The following RERE variants were observed in gnomAD, a reference collection of about 807,000 sequenced individuals.
RERE encodes the protein arginine-glutamic acid dipeptide repeats.
In RERE, 40 loss-of-function variants were observed where a neutral mutation model predicts 146.1. The observed-to-expected ratio is 0.27, with a 90% CI of 0.21 to 0.36. RERE has a LOEUF of 0.36. Ranked by LOEUF, RERE falls within the 10% of genes least tolerant of loss-of-function variation. The probability of loss-of-function intolerance (pLI) is 1.00; values close to 1 mark genes in which losing one functional copy is unlikely to be tolerated. For synonymous variants in RERE, 1,003 were observed against 866.0 expected (o/e 1.16, Z -2.78); for missense variants, 1,933 against 2,138.7 (o/e 0.90, Z 1.90).
chr1:8,394,329 C>T (rs1642979752), intron 12 of RERE, among the ~76,000 whole-genome samples: 1 of 152,140 alleles, frequency 6.6e-6, no homozygotes, highest in African/African-American at 2.4e-5. Flanking sequence ...CCAAATTAAA[C>T]AATTTTGAGA....
intron 1 of RERE, among the ~76,000 whole-genome samples, chr1:8,791,295 TG>T (rs1170109682): frequency 6.6e-6 from 1 of 152,224 alleles, no homozygotes; most frequent in Non-Finnish European, 1.5e-5. Flanking sequence ...CTCTCTACAT[TG>T]TTGGAGCATC....
intron 1 of RERE, among the ~76,000 whole-genome samples, chr1:8,717,526 G>C (rs1639787559): frequency 6.6e-6 from 1 of 152,182 alleles, no homozygotes; most frequent in African/African-American, 2.4e-5. Flanking sequence ...AATGCACCAA[G>C]TGGCAAATTA....
At chr1:8,427,865 T>C (rs1644038409) in intron 11 of RERE, among the ~76,000 whole-genome samples, 1 of 152,168 alleles carries the variant, frequency 6.6e-6, no homozygotes, top group Admixed American at 6.5e-5. Context: ...GAGACTTCTG[T>C]TGCGGCTGTC....
chr1:8,752,021 G>A (rs1446214689), intron 1 of RERE, among the ~76,000 whole-genome samples: 1 of 151,352 alleles, frequency 6.6e-6, no homozygotes, highest in African/African-American at 2.4e-5. Context: ...TATGTGGCAG[G>A]CACTAATCTA....
chr1:8,653,758 G>A (rs1180918430), intron 2 of RERE, among the ~76,000 whole-genome samples: 4 of 150,652 alleles, frequency 2.7e-5, no homozygotes, highest in Admixed American at 6.6e-5. Flanking sequence ...TTAGATGTGC[G>A]TACGCCCTAA....
intron 1 of RERE, among the ~76,000 whole-genome samples, chr1:8,757,919 C>CACAT (rs1553145839): frequency 1.3e-5 from 2 of 150,638 alleles, no homozygotes; most frequent in African/African-American, 4.9e-5. Context: ...CATACACACA[C>CACAT]ACACACACAC....
chr1:8,483,706 T>C lies in RERE; in HGVS notation c.1104+11357A>G, dbSNP rs146838492. ...TAATTAATACTCAACAGTTAACAAA[T>C]AGTGATATTTATAGACCAGAGATGA... is the stretch of plus-strand genomic sequence containing the variant. On this transcript the variant is annotated intron_variant, in intron 10 of 22. Transcript: ENST00000400908. Among the ~76,000 whole-genome samples the C allele has an allele frequency of 3.3e-3, 499 of 152,272 alleles. 1 individual carries two copies. The highest frequency in any genetic ancestry group is 0.011 in the African/African-American group (472 of 41,548).
intron 7 of RERE, among the ~76,000 whole-genome samples, chr1:8,536,224 G>T (rs925675331): frequency 6.6e-6 from 1 of 152,016 alleles, no homozygotes; most frequent in Non-Finnish European, 1.5e-5. Context: ...TTTTCTGCAG[G>T]GTAGCTTTCA....
chr1:8,602,234 C>CA (rs1211859031), intron 4 of RERE, among the ~76,000 whole-genome samples: 3 of 151,708 alleles, frequency 2.0e-5, no homozygotes, highest in Non-Finnish European at 4.4e-5. Flanking sequence ...ACTAAAAATA[C>CA]AAAAAAATCA....
At chr1:8,723,503 G>A (rs1639901979) in intron 1 of RERE, among the ~76,000 whole-genome samples, 1 of 152,036 alleles carries the variant, frequency 6.6e-6, no homozygotes, top group African/African-American at 2.4e-5. Context: ...ACCTGACAAG[G>A]TCTTTAAAGG....
intron 11 of RERE, among the ~76,000 whole-genome samples, chr1:8,447,424 T>A (rs1644336106): frequency 6.6e-6 from 1 of 152,206 alleles, no homozygotes. Context: ...TTCCTCATCT[T>A]CGTGGATGTG....
intron 12 of RERE, among the ~76,000 whole-genome samples, chr1:8,369,163 C>CG (rs1641929869): frequency 6.6e-6 from 1 of 151,944 alleles, no homozygotes; most frequent in Non-Finnish European, 1.5e-5. Flanking sequence ...AATGTGCCAC[C>CG]GCACTCCAGC....
At chr1:8,623,956 C>T (rs1333918419) in intron 3 of RERE, among the ~76,000 whole-genome samples, 1 of 152,156 alleles carries the variant, frequency 6.6e-6, no homozygotes, top group Non-Finnish European at 1.5e-5. Flanking sequence ...TATATTATTT[C>T]CCCTACTCAT....
chr1:8,389,545 TACA>T (rs1255663406), intron 12 of RERE, among the ~76,000 whole-genome samples: 3 of 152,094 alleles, frequency 2.0e-5, no homozygotes, highest in South Asian at 2.1e-4. Flanking sequence ...GCCTCTTGTT[TACA>T]ACAACACAAA....
Position 8,703,280 on chromosome 1 carries a change from G to A in RERE, c.-144-46839C>T, listed in dbSNP as rs574818221. The A allele has an allele frequency of 5.3e-5, 8 of 149,738 alleles. No homozygotes were observed. The South Asian group carries it at 1.7e-3, about 31-fold the overall frequency. 9.3% of individuals were successfully genotyped at this position (149,738 alleles called of 1,614,324 possible). On this transcript the variant is annotated intron_variant, in intron 1 of 22. Coordinates refer to ENST00000400908, the MANE Select transcript of RERE (RefSeq NM_001042681.2). ...TTGGCGGCTCCGGGAGGCGGTGGCC[G>A]CGCGGGGCCCCGCCCGCGGCTAGGG... is the stretch of plus-strand genomic sequence containing the variant.
intron 6 of RERE, among the ~76,000 whole-genome samples, chr1:8,550,401 T>C (rs1273974321): frequency 6.6e-6 from 1 of 152,160 alleles, no homozygotes; most frequent in Non-Finnish European, 1.5e-5. Context: ...ATGCTGTAGG[T>C]CAAAGTTATT....
At chr1:8,394,130 G>A (rs956819843) in intron 12 of RERE, among the ~76,000 whole-genome samples, 1 of 152,174 alleles carries the variant, frequency 6.6e-6, no homozygotes, top group East Asian at 1.9e-4. Flanking sequence ...GCCATTTCTT[G>A]ACATTCTATA....
At chr1:8,608,879 T>G (rs1412871584) in intron 4 of RERE, among the ~76,000 whole-genome samples, 1 of 152,162 alleles carries the variant, frequency 6.6e-6, no homozygotes, top group East Asian at 1.9e-4. Flanking sequence ...TGAGGTCAGT[T>G]TGAGACCAGC....
chr1:8,528,304 G>C (rs1007509648), intron 7 of RERE, among the ~76,000 whole-genome samples: 8 of 152,278 alleles, frequency 5.3e-5, no homozygotes, highest in South Asian at 2.1e-4. Flanking sequence ...ATATTAAAGA[G>C]ACACAACAAT....
Sources: gnomAD v4.1 joint callset for allele counts (sites outside exome capture counted in the v4.1 genomes callset) on GRCh38, gnomAD v4.1.1 for gene constraint, MANE v1.5 for transcripts, NCBI Gene and HGNC (gene_info 2026-07-23, HGNC 2026-07-21) for gene names.